ZDHHC18: variants seen among roughly 807,000 people sequenced by gnomAD.
ZDHHC18 encodes palmitoyltransferase ZDHHC18.
In ZDHHC18, 23 loss-of-function variants were observed where a neutral mutation model predicts 37.5. The observed-to-expected ratio is 0.61, with a 90% CI of 0.44 to 0.87. The LOEUF (loss-of-function observed/expected upper bound fraction) is 0.87, where lower values mean the gene tolerates loss of function less well. ZDHHC18 is among the 40% of genes least tolerant of loss of function. ZDHHC18 has a pLI of 0.00. For missense variants in ZDHHC18, 406 were observed against 525.6 expected (o/e 0.77, Z 2.22); for synonymous variants, 185 against 218.7 (o/e 0.85, Z 1.36).
intron 1 of ZDHHC18, among the ~76,000 whole-genome samples, chr1:26,831,024 C>T (rs1450607043): frequency 6.6e-6 from 1 of 152,152 alleles, no homozygotes; most frequent in Admixed American, 6.5e-5. Context: ...CTCAGGTATC[C>T]GCCCACCTCA....
At chr1:26,837,314 TA>T (rs2081616716) in intron 2 of ZDHHC18, among the ~76,000 whole-genome samples, 1 of 147,452 alleles carries the variant, frequency 6.8e-6, no homozygotes, top group African/African-American at 2.5e-5. Flanking sequence ...ATATGTATAA[TA>T]TATAACATAT....
At chr1:26,844,164 C>T (rs938434407) in intron 2 of ZDHHC18, among the ~76,000 whole-genome samples, 3 of 152,030 alleles carry the variant, frequency 2.0e-5, no homozygotes, top group African/African-American at 2.4e-5. Context: ...CTCAGCCTCC[C>T]GAGTAGCTGG....
rs747792456 is a variant in ZDHHC18, at chr1:26,850,282, G to A, written c.647-19G>A. ...GCAGGCCAGCCCACACTAACCCATC[G>A]CCCCTTGCCCTTGTCCAGAACGATT... On this transcript the variant is annotated intron_variant, in intron 3 of 7. Transcript: ENST00000374142. The surrounding 1 kb of genome is among the most constrained non-coding windows in gnomAD (Gnocchi z 6.1). 48 of 1,613,028 alleles carry A rather than the reference G, an allele frequency of 3.0e-5. No homozygotes were observed. The highest frequency in any genetic ancestry group is 1.8e-4 in the Admixed American group (11 of 59,862).
intron 3 of ZDHHC18, among the ~76,000 whole-genome samples, chr1:26,849,335 G>A (rs1351346310): frequency 2.0e-5 from 3 of 152,216 alleles, no homozygotes; most frequent in Non-Finnish European, 4.4e-5. Flanking sequence ...GTTCTGATGG[G>A]CACCCTGAGA....
rs764033962 is a variant in ZDHHC18, at chr1:26,850,380, C to T, written c.726C>T (p.Leu242=). 3.0e-5 allele frequency: 48 copies of T among 1,614,142 alleles called. No individual in the cohort carries two copies. Among genetic ancestry groups the T allele is most frequent in the Non-Finnish European group, 3.1e-5 (36 of 1,180,052 alleles). The part of the protein sequence containing the change: ...RNYRFFYAFI[L]SLSFLTAFIF... ...ATCGCTTCTTCTACGCGTTTATTCT[C>T]TCCCTCTCATTCCTGACGGCCTTCA... The change falls in exon 4 of 8, where the codon CTC becomes CTT. Residue 242 remains leucine (L), a synonymous_variant. Transcript: ENST00000374142. This position sits in a 1 kb window ranked among gnomAD's most constrained non-coding sequence, Gnocchi z 6.1.
intron 1 of ZDHHC18, among the ~76,000 whole-genome samples, chr1:26,831,779 C>T (rs548668058): frequency 2.6e-4 from 40 of 152,308 alleles, no homozygotes; most frequent in South Asian, 1.7e-3. Flanking sequence ...CCTTGGGTCA[C>T]AGTGACAGTG....
chr1:26,844,962 C>T (rs1466102184), intron 2 of ZDHHC18, among the ~76,000 whole-genome samples: 5 of 151,022 alleles, frequency 3.3e-5, no homozygotes, highest in Admixed American at 3.3e-4. Context: ...GCTCTGTCAC[C>T]CAGGCTAGAA....
In ZDHHC18 at chr1:26,856,407, TC is replaced by T. The variant is rs957439525; in HGVS notation, c.*2566del. The T allele has an allele frequency of 3.4e-6, 1 of 291,464 alleles. No individual in the cohort carries two copies. The highest frequency in any genetic ancestry group is 2.2e-5 in the African/African-American group (1 of 46,410). The allele number at this position is 291,464 out of a possible 1,614,324, so 18.1% of individuals were successfully genotyped here. The stretch of plus-strand genomic sequence containing the variant: ...TGTGTGTGCTGGTGGTGGTAGGGTC[TC>T]CAGGGACTCCCCGCTAAGCAGAAGG... On this transcript the variant is annotated 3_prime_UTR_variant, in exon 8 of 8. Coordinates refer to ENST00000374142, the MANE Select transcript of ZDHHC18 (RefSeq NM_032283.3). This position sits in a 1 kb window ranked among gnomAD's most constrained non-coding sequence, Gnocchi z 5.2.
At chr1:26,845,221 A>G (rs1230752525) in intron 2 of ZDHHC18, among the ~76,000 whole-genome samples, 1 of 150,228 alleles carries the variant, frequency 6.7e-6, no homozygotes, top group Non-Finnish European at 1.5e-5. Flanking sequence ...CAAGGCGCCC[A>G]GCCCTTTACA....
chr1:26,852,621 A>G, intron 6 of ZDHHC18, 132 bp from the exon 7 acceptor site: 3 of 703,986 alleles, frequency 4.3e-6, no homozygotes, highest in Non-Finnish European at 7.2e-6. Flanking sequence ...AATGGCCCAC[A>G]TGAAAGACAT....
At chr1:26,841,572 G>C (rs558490865) in intron 2 of ZDHHC18, among the ~76,000 whole-genome samples, 1 of 152,290 alleles carries the variant, frequency 6.6e-6, no homozygotes, top group South Asian at 2.1e-4. Context: ...AAGTCAGCAA[G>C]GAAGCAGTGA....
At chr1:26,844,221 T>A (rs139668822) in intron 2 of ZDHHC18, among the ~76,000 whole-genome samples, 1,822 of 152,064 alleles carry the variant, frequency 0.012, 39 homozygotes, top group African/African-American at 0.042. Flanking sequence ...TGTATTTTTG[T>A]AGAGATGGGG....
chr1:26,832,013 G>C (rs1007329208), intron 1 of ZDHHC18: 1 of 156,800 alleles, frequency 6.4e-6, no homozygotes, highest in Non-Finnish European at 1.4e-5. Flanking sequence ...CATTATTCCT[G>C]CTGCTTATTG....
At chr1:26,829,343 A>G (rs891317519) in intron 1 of ZDHHC18, among the ~76,000 whole-genome samples, 1 of 151,858 alleles carries the variant, frequency 6.6e-6, no homozygotes, top group African/African-American at 2.4e-5. Context: ...TTTTGATTCT[A>G]ACTCAGGCCT....
In ZDHHC18 at chr1:26,850,591, A is replaced by T. The variant is rs1459810429; in HGVS notation, c.818A>T (p.Lys273Met). The change falls in exon 5 of 8, where the codon AAG becomes ATG. Residue 273 changes from lysine (K) to methionine (M), a missense_variant. By Grantham distance (95) the Lys-to-Met change is moderately conservative. Transcript: ENST00000374142. This position sits in a 1 kb window ranked among gnomAD's most constrained non-coding sequence, Gnocchi z 6.1. ...AQGSNFLSTL[K>M]ETPASVLELV... ...GGAAGCAACTTCCTCTCCACTCTGA[A>T]GGAGACACCAGCAAGATATCCTTTG... 3.7e-6 allele frequency: 6 copies of T among 1,614,126 alleles called. No individual in the cohort carries two copies. Among genetic ancestry groups the T allele is most frequent in the Non-Finnish European group, 5.1e-6 (6 of 1,180,020 alleles).
At chr1:26,852,678 C>T in intron 6 of ZDHHC18, 75 bp from the exon 7 acceptor site, 1 of 1,329,834 alleles carries the variant, frequency 7.5e-7, no homozygotes, top group Non-Finnish European at 1.1e-6. Context: ...CCAGTTGTCC[C>T]CAGCCTCTAG....
chr1:26,852,609 T>C, intron 6 of ZDHHC18, 144 bp from the exon 7 acceptor site: 1 of 655,494 alleles, frequency 1.5e-6, no homozygotes, highest in Non-Finnish European at 2.6e-6. Context: ...ACATTCTCAT[T>C]GAATGGCCCA....
intron 2 of ZDHHC18, among the ~76,000 whole-genome samples, chr1:26,846,090 C>T (rs2081662274): frequency 6.7e-6 from 1 of 150,300 alleles, no homozygotes. Flanking sequence ...CTTTTTTTCT[C>T]TTAAATTTCT....
rs2081714035 is a variant in ZDHHC18 at position 26,852,946 on chromosome 1, T to G, written c.1049+81T>G. 8 of 1,272,764 alleles carry G rather than the reference T, an allele frequency of 6.3e-6. No homozygotes were observed. In the South Asian group the frequency reaches 9.3e-5, roughly 15 times the overall value. The allele number at this position is 1,272,764 out of a possible 1,614,324, so 78.8% of individuals were successfully genotyped here. On this transcript the variant is annotated intron_variant, in intron 7 of 7. Transcript: ENST00000374142. ...AAGTGTTCCTGGATATCAGCCGACC[T>G]CCCCCTACACCCTAGATGCCCTCCG...
Sources: allele counts gnomAD v4.1 joint callset (sites outside exome capture counted in the v4.1 genomes callset), GRCh38; gene constraint gnomAD v4.1.1; non-coding constraint Gnocchi (gnomAD v3.1); transcripts MANE v1.5; gene names NCBI Gene and HGNC (gene_info 2026-07-23, HGNC 2026-07-21).